Variants in MGMT observed in about 807,000 individuals in gnomAD.
The protein encoded by MGMT is methylated-DNA--protein-cysteine methyltransferase.
MGMT carries 14 observed loss-of-function variants against 15.9 expected under a neutral mutation model. That is an observed-to-expected ratio of 0.88 (90% CI 0.58 to 1.37). The LOEUF is 1.37. MGMT is among the 40% of genes most tolerant of loss of function. The pLI is 0.00. For missense variants in MGMT, 282 were observed against 268.1 expected, an observed-to-expected ratio of 1.05 and a Z score of -0.36; for synonymous variants, 130 against 118.2, an observed-to-expected ratio of 1.10 and a Z score of -0.65.
intron 1 of MGMT, among the ~76,000 whole-genome samples, chr10:129,527,993 C>T (rs1375460615): frequency 6.6e-6 from 1 of 152,150 alleles, no homozygotes; most frequent in Non-Finnish European, 1.5e-5. Flanking sequence ...TCTCTCAGCA[C>T]CTCCTCCAGG....
chr10:129,654,691 C>T (rs59786911), intron 2 of MGMT, among the ~76,000 whole-genome samples: 7,532 of 151,990 alleles, frequency 0.05, 611 homozygotes, highest in African/African-American at 0.17. Context: ...GTGCAAGCCT[C>T]TTGAGGTATG....
intron 4 of MGMT, among the ~76,000 whole-genome samples, chr10:129,761,346 G>A (rs917601947): frequency 2.0e-5 from 3 of 152,200 alleles, no homozygotes; most frequent in Non-Finnish European, 4.4e-5. Context: ...AGCGGGCGCC[G>A]ACTGCTCGCT....
At chr10:129,481,360 G>T (rs150013051) in intron 1 of MGMT, among the ~76,000 whole-genome samples, 1 of 152,198 alleles carries the variant, frequency 6.6e-6, no homozygotes. Flanking sequence ...TGGATTTGAC[G>T]TGTGGATATG....
chr10:129,598,040 C>T (rs930454622), intron 2 of MGMT, among the ~76,000 whole-genome samples: 1 of 152,104 alleles, frequency 6.6e-6, no homozygotes. Context: ...GCAGTCAGGT[C>T]CACCATGTGG....
At chr10:129,470,003 T>C (rs565640524) in intron 1 of MGMT, among the ~76,000 whole-genome samples, 9 of 152,330 alleles carry the variant, frequency 5.9e-5, no homozygotes, top group African/African-American at 1.9e-4. Flanking sequence ...TGAGCCACCA[T>C]GCCTGGCCTC....
rs1033847758 is a variant in MGMT at position 129,518,816 on chromosome 10, A to T, written c.-12-17425A>T. On this transcript the variant is annotated intron_variant, in intron 1 of 4. Coordinates refer to ENST00000651593, the MANE Select transcript of MGMT (RefSeq NM_002412.5). ...GGTATTAGCAGTTAAGTTTTGGGGGAGTCAAAAGGTTATGTGGATTTTTGA... is the reference window on the plus strand; with the variant it reads ...GGTATTAGCAGTTAAGTTTTGGGGGTGTCAAAAGGTTATGTGGATTTTTGA... 8.6e-5 allele frequency among the ~76,000 whole-genome samples: 13 copies of T among 151,322 alleles called. No homozygotes were observed. In the East Asian group the frequency reaches 2.2e-3, roughly 25 times the overall value.
intron 2 of MGMT, among the ~76,000 whole-genome samples, chr10:129,559,232 C>A (rs563660633): frequency 1.3e-5 from 2 of 152,226 alleles, no homozygotes; most frequent in South Asian, 4.2e-4. Context: ...AATACATTTA[C>A]CTGTACACCA....
intron 2 of MGMT, among the ~76,000 whole-genome samples, chr10:129,576,682 C>T (rs1846487182): frequency 6.6e-6 from 1 of 152,144 alleles, no homozygotes; most frequent in Non-Finnish European, 1.5e-5. Context: ...GAAGTTCTGG[C>T]CAGGGCAATC....
chr10:129,691,157 G>A (rs1301760557), intron 2 of MGMT, among the ~76,000 whole-genome samples: 1 of 152,242 alleles, frequency 6.6e-6, no homozygotes, highest in Non-Finnish European at 1.5e-5. Context: ...TGACGTTGAT[G>A]TTGCCTAAGG....
chr10:129,696,943 G>A (rs560868235), intron 2 of MGMT, among the ~76,000 whole-genome samples: 3 of 152,312 alleles, frequency 2.0e-5, no homozygotes, highest in East Asian at 1.9e-4. Context: ...ACGGCAGGCC[G>A]GGGGCATTCT....
chr10:129,665,665 G>A (rs11016861), intron 2 of MGMT, among the ~76,000 whole-genome samples: 3,596 of 152,244 alleles, frequency 0.024, 65 homozygotes, highest in Middle Eastern at 0.079. Context: ...TAGGATGATG[G>A]AACTCTGGCT....
chr10:129,546,268 C>A (rs1846097594), intron 2 of MGMT, among the ~76,000 whole-genome samples: 2 of 152,338 alleles, frequency 1.3e-5, no homozygotes, highest in African/African-American at 4.8e-5. Flanking sequence ...TGGGCTGTTC[C>A]ACACCTTGAG....
intron 1 of MGMT, among the ~76,000 whole-genome samples, chr10:129,526,243 T>G (rs1327924501): frequency 6.6e-6 from 1 of 152,242 alleles, no homozygotes; most frequent in African/African-American, 2.4e-5. Flanking sequence ...ATTAAAATAC[T>G]ATCTCATGCC....
intron 2 of MGMT, among the ~76,000 whole-genome samples, chr10:129,638,600 G>T (rs1027566151): frequency 5.9e-5 from 9 of 152,210 alleles, no homozygotes; most frequent in African/African-American, 1.9e-4. Context: ...AATATTGAAT[G>T]TAAGAAGAGA....
chr10:129,687,005 G>A (rs1437120267), intron 2 of MGMT, among the ~76,000 whole-genome samples: 1 of 152,104 alleles, frequency 6.6e-6, no homozygotes, highest in Non-Finnish European at 1.5e-5. Flanking sequence ...GCTGAGAGAG[G>A]AAGTTCTGAG....
intron 4 of MGMT, among the ~76,000 whole-genome samples, chr10:129,765,752 G>A (rs1848926413): frequency 6.6e-6 from 1 of 152,156 alleles, no homozygotes; most frequent in African/African-American, 2.4e-5. Flanking sequence ...CCCTAACAGT[G>A]CTAAGCTGGG....
intron 1 of MGMT, among the ~76,000 whole-genome samples, chr10:129,512,231 T>C (rs1272804721): frequency 6.6e-6 from 1 of 152,196 alleles, no homozygotes; most frequent in Non-Finnish European, 1.5e-5. Context: ...TTCACCTGTT[T>C]GCGGACTGCC....
chr10:129,547,891 A>C (rs1390932500), intron 2 of MGMT, among the ~76,000 whole-genome samples: 1 of 152,206 alleles, frequency 6.6e-6, no homozygotes, highest in Non-Finnish European at 1.5e-5. Context: ...CTGGGCTGAG[A>C]GCACAGCTAT....
At chr10:129,761,486 G>A (rs1024889945) in intron 4 of MGMT, among the ~76,000 whole-genome samples, 7 of 152,238 alleles carry the variant, frequency 4.6e-5, no homozygotes, top group South Asian at 2.1e-4. Context: ...TGGAGATGCC[G>A]TCGCTGGTTA....
Sources: gnomAD v4.1 joint callset for allele counts (sites outside exome capture counted in the v4.1 genomes callset) on GRCh38, gnomAD v4.1.1 for gene constraint, MANE v1.5 for transcripts, NCBI Gene and HGNC (gene_info 2026-07-23, HGNC 2026-07-21) for gene names.